The following SUPT3H variants were observed in gnomAD, a reference collection of about 807,000 sequenced individuals.
SUPT3H encodes the protein SPT3 homolog, SAGA and STAGA complex component, also known as transcription initiation protein SPT3 homolog.
A neutral mutation model predicts 44.3 loss-of-function variants in SUPT3H; 44 were observed. That is an observed-to-expected ratio of 0.99 (90% CI 0.78 to 1.28). The LOEUF (loss-of-function observed/expected upper bound fraction) is 1.28, where lower values mean the gene tolerates loss of function less well. Among genes scored for constraint, SUPT3H ranks in the 50% most tolerant of loss-of-function variants. The probability of loss-of-function intolerance (pLI) is 0.00; values close to 1 mark genes in which losing one functional copy is unlikely to be tolerated. For missense variants in SUPT3H, 380 were observed against 387.1 expected (o/e 0.98, Z 0.15); for synonymous variants, 124 against 125.6 (o/e 0.99, Z 0.09).
rs115645449 is a variant in SUPT3H at position 45,370,047 on chromosome 6, G to T, written c.1-4746C>A. ...TTGAGTGTAATGTGAAGCTATTAGA[G>T]AATTTTGAAAAGGGAAGTTACTTGA... On this transcript the variant is annotated intron_variant, in intron 1 of 10. Coordinates refer to ENST00000371459, the MANE Select transcript of SUPT3H (RefSeq NM_003599.4). 9.6e-3 allele frequency among the ~76,000 whole-genome samples: 1,466 copies of T among 152,252 alleles called. 10 individuals are homozygous for T. The highest frequency in any genetic ancestry group is 0.015 in the Non-Finnish European group (1,023 of 68,006).
intron 2 of SUPT3H, among the ~76,000 whole-genome samples, chr6:45,352,839 TAGTC>T (rs1168272178): frequency 2.0e-5 from 3 of 152,082 alleles, no homozygotes; most frequent in African/African-American, 4.8e-5. Flanking sequence ...ATAATTCTAT[TAGTC>T]AGAATGCAGT....
chr6:45,194,720 C>T lies in SUPT3H; in HGVS notation c.102-88714G>A, dbSNP rs77137199. ...TAAAAAATACACTACGGTTATAATGCAACAAAAAGAATGTCATTGCAATAG... is the reference window on the plus strand; with the variant it reads ...TAAAAAATACACTACGGTTATAATGTAACAAAAAGAATGTCATTGCAATAG... On this transcript the variant is annotated intron_variant, in intron 2 of 10. Transcript: ENST00000371459. Among the ~76,000 whole-genome samples, 730 of 152,004 alleles carry T rather than the reference C, an allele frequency of 4.8e-3. 13 individuals are homozygous for T. Among genetic ancestry groups the T allele is most frequent in the East Asian group, 0.043 (223 of 5,172 alleles).
In SUPT3H at chr6:44,949,452, GA is replaced by G. The variant is rs557999680; in HGVS notation, c.801+3857del. Among the ~76,000 whole-genome samples the G allele has an allele frequency of 8.9e-4, 135 of 151,542 alleles. 2 individuals carry two copies. Among genetic ancestry groups the G allele is most frequent in the African/African-American group, 2.3e-3 (95 of 41,344 alleles). ...ATATTGTCAAAAAAAAGAAAAAAAA[GA>G]AAAAAATTGGATAAATTAGGCTTCA... On this transcript the variant is annotated intron_variant, in intron 9 of 10. Coordinates refer to ENST00000371459, the MANE Select transcript of SUPT3H (RefSeq NM_003599.4).
At chr6:44,853,760 A>T (rs1275114238) in intron 10 of SUPT3H, among the ~76,000 whole-genome samples, 1 of 152,008 alleles carries the variant, frequency 6.6e-6, no homozygotes, top group Non-Finnish European at 1.5e-5. Context: ...GTGGGAGGCA[A>T]ATTATGGGAA....
intron 9 of SUPT3H, among the ~76,000 whole-genome samples, chr6:44,948,637 A>G (rs1160634516): frequency 1.3e-5 from 2 of 152,260 alleles, no homozygotes; most frequent in African/African-American, 4.8e-5. Context: ...AACACATGGA[A>G]AAATGCTCAT....
At chr6:45,305,559 G>T (rs1226125626) in intron 2 of SUPT3H, among the ~76,000 whole-genome samples, 1 of 152,026 alleles carries the variant, frequency 6.6e-6, no homozygotes, top group East Asian at 1.9e-4. Context: ...TCTTTATGTG[G>T]TTTTAGTTCA....
chr6:44,832,408 A>G (rs915853991), intron 10 of SUPT3H, among the ~76,000 whole-genome samples: 2 of 152,160 alleles, frequency 1.3e-5, no homozygotes, highest in Non-Finnish European at 2.9e-5. Flanking sequence ...CCTAGTTAGT[A>G]AAATCCAGGC....
At chr6:45,069,964 A>G (rs1351900312) in intron 3 of SUPT3H, among the ~76,000 whole-genome samples, 2 of 152,160 alleles carry the variant, frequency 1.3e-5, no homozygotes, top group Non-Finnish European at 2.9e-5. Context: ...CAGAAGAGGA[A>G]AACATCTCTG....
At position 45,257,973 on chromosome 6, in the gene SUPT3H, T is replaced by A. The variant is rs192505402; in HGVS notation, c.101+107228A>T. The stretch of plus-strand genomic sequence containing the variant: ...TACAGCATTCTGTTTTTAATAGTGA[T>A]ATTTCCATTTACGAAACATAATAAT... On this transcript the variant is annotated intron_variant, in intron 2 of 10. Coordinates refer to ENST00000371459, the MANE Select transcript of SUPT3H (RefSeq NM_003599.4). 5.5e-3 allele frequency among the ~76,000 whole-genome samples: 833 copies of A among 152,350 alleles called. 12 individuals are homozygous for A. Among genetic ancestry groups the A allele is most frequent in the African/African-American group, 0.019 (800 of 41,588 alleles).
At chr6:44,961,081 C>T (rs1263229800) in intron 7 of SUPT3H, among the ~76,000 whole-genome samples, 2 of 152,024 alleles carry the variant, frequency 1.3e-5, no homozygotes, top group South Asian at 2.1e-4. Flanking sequence ...ACCTTTACCC[C>T]GAGAGCCTTA....
intron 6 of SUPT3H, among the ~76,000 whole-genome samples, chr6:44,967,182 A>G (rs1776891452): frequency 6.6e-6 from 1 of 152,250 alleles, no homozygotes; most frequent in South Asian, 2.1e-4. Context: ...AAAGTTTTCC[A>G]AATACTCAAC....
intron 2 of SUPT3H, among the ~76,000 whole-genome samples, chr6:45,120,417 T>A (rs868488839): frequency 3.8e-4 from 19 of 50,508 alleles, no homozygotes; most frequent in African/African-American, 9.6e-4. Context: ...AGACCTTGTC[T>A]AAAAAAAAAA....
intron 2 of SUPT3H, among the ~76,000 whole-genome samples, chr6:45,285,348 C>G (rs142343743): frequency 6.6e-6 from 1 of 152,000 alleles, no homozygotes; most frequent in East Asian, 1.9e-4. Flanking sequence ...AAAACCCCAC[C>G]GTCTCAGCCC....
Position 44,819,808 on chromosome 6 carries a change from A to G in SUPT3H, c.*52+9956T>C, listed in dbSNP as rs114058077. Among the ~76,000 whole-genome samples, 1,098 of 152,248 alleles carry G rather than the reference A, an allele frequency of 7.2e-3. 18 individuals carry two copies. Among genetic ancestry groups the G allele is most frequent in the African/African-American group, 0.025 (1,039 of 41,548 alleles). Reference sequence around the variant, plus strand: ...AGAAAAAAGGAAATATATTGTTTCTATGTGCCATATCTAAAGAACTTCTGC... The same window carrying G: ...AGAAAAAAGGAAATATATTGTTTCTGTGTGCCATATCTAAAGAACTTCTGC... On this transcript the variant is annotated intron_variant and NMD_transcript_variant, in intron 11 of 11. Transcript: ENST00000475057.
At chr6:44,933,787 G>A (rs932143242) in intron 9 of SUPT3H, among the ~76,000 whole-genome samples, 3 of 152,060 alleles carry the variant, frequency 2.0e-5, no homozygotes, top group Admixed American at 6.5e-5. Context: ...GAGACTAAAG[G>A]CAAGTGCCAC....
intron 2 of SUPT3H, among the ~76,000 whole-genome samples, chr6:45,136,128 A>G (rs888968976): frequency 6.6e-6 from 1 of 152,240 alleles, no homozygotes; most frequent in Non-Finnish European, 1.5e-5. Flanking sequence ...ACACAGATCC[A>G]TAAGCAGAAA....
Position 45,292,236 on chromosome 6 carries a change from G to A in SUPT3H, c.101+72965C>T, listed in dbSNP as rs1312451992. On this transcript the variant is annotated intron_variant, in intron 2 of 10. Coordinates refer to ENST00000371459, the MANE Select transcript of SUPT3H (RefSeq NM_003599.4). ...TACAGTCTTTTTCAGACAAACAAAT[G>A]CCGAGAGAATTCGCCACTACCAAGC... 1.9e-4 allele frequency among the ~76,000 whole-genome samples: 29 copies of A among 152,052 alleles called. 1 individual carries two copies. The highest frequency in any genetic ancestry group is 1.9e-3 in the Admixed American group (29 of 15,274).
intron 2 of SUPT3H, among the ~76,000 whole-genome samples, chr6:45,176,604 G>T (rs1811944323): frequency 6.8e-6 from 1 of 146,156 alleles, no homozygotes; most frequent in South Asian, 2.2e-4. Flanking sequence ...GCCTCTGTAG[G>T]CTCCACCTCT....
At chr6:44,866,105 A>C in intron 10 of SUPT3H, among the ~76,000 whole-genome samples, 1 of 95,646 alleles carries the variant, frequency 1.0e-5, no homozygotes, top group Non-Finnish European at 2.1e-5. Flanking sequence ...GCCTACATCG[A>C]CTTTTTTTTT....
Sources: gnomAD v4.1 joint callset for allele counts (sites outside exome capture counted in the v4.1 genomes callset) on GRCh38, gnomAD v4.1.1 for gene constraint, MANE v1.5 for transcripts, NCBI Gene and HGNC (gene_info 2026-07-23, HGNC 2026-07-21) for gene names.